The following MLLT10 variants were observed in gnomAD, a reference collection of about 807,000 sequenced individuals.
MLLT10 encodes MLLT10 histone lysine methyltransferase DOT1L cofactor, also known as protein AF-10.
MLLT10 carries 30 observed loss-of-function variants against 129.1 expected under a neutral mutation model. That is an observed-to-expected ratio of 0.23 (90% CI 0.17 to 0.32). The LOEUF is 0.32. MLLT10 is among the 10% of genes least tolerant of loss of function. MLLT10 has a pLI of 1.00. For missense variants in MLLT10, 1,119 were observed against 1,268.3 expected (o/e 0.88, Z 1.79); for synonymous variants, 490 against 446.4 (o/e 1.10, Z -1.23).
At position 21,730,942 on chromosome 10, in the gene MLLT10, C is replaced by G; in HGVS notation, c.2106C>G (p.Gly702=). 19 of 1,614,158 alleles carry G rather than the reference C, an allele frequency of 1.2e-5. No individual in the cohort carries two copies. The highest frequency in any genetic ancestry group is 1.6e-5 in the Non-Finnish European group (19 of 1,180,024). ...TACAGATTCGCTATGATCAACCAGGCAACAGCAGTTTGGAAAATCTGCCTC... is the reference window on the plus strand; with the variant it reads ...TACAGATTCGCTATGATCAACCAGGGAACAGCAGTTTGGAAAATCTGCCTC... ...SSLQIRYDQP[G]NSSLENLPPV... The change falls in exon 17 of 23, where the codon GGC becomes GGG. Residue 702 remains glycine (G), a synonymous_variant. Transcript: ENST00000307729.
intron 3 of MLLT10, among the ~76,000 whole-genome samples, chr10:21,560,800 G>T (rs1475106928): frequency 6.6e-6 from 1 of 152,170 alleles, no homozygotes; most frequent in African/African-American, 2.4e-5. Flanking sequence ...GTGGTATCTT[G>T]TCGTTTTGAT....
At chr10:21,538,735 G>A in intron 2 of MLLT10, 98 bp from the exon 3 acceptor site, 1 of 797,070 alleles carries the variant, frequency 1.3e-6, no homozygotes, top group Non-Finnish European at 2.1e-6. Flanking sequence ...TAGTTTACTT[G>A]AATAGTGACA....
intron 8 of MLLT10, among the ~76,000 whole-genome samples, chr10:21,634,647 T>C (rs1376419105): frequency 6.6e-6 from 1 of 152,236 alleles, no homozygotes; most frequent in Non-Finnish European, 1.5e-5. Context: ...AATGTGATGA[T>C]TTTCTGTTTC....
intron 3 of MLLT10, among the ~76,000 whole-genome samples, chr10:21,567,017 T>C (rs1442949418): frequency 6.6e-6 from 1 of 152,114 alleles, no homozygotes; most frequent in Non-Finnish European, 1.5e-5. Context: ...TTGTCCATGT[T>C]GGTCAGGCTG....
chr10:21,739,381 T>C (rs758596694), intron 21 of MLLT10, among the ~76,000 whole-genome samples: 12 of 152,186 alleles, frequency 7.9e-5, no homozygotes, highest in Non-Finnish European at 1.6e-4. Context: ...TTCATCCAGA[T>C]GTTAACTTCC....
chr10:21,697,870 T>C (rs2054522934), intron 13 of MLLT10, among the ~76,000 whole-genome samples: 1 of 152,234 alleles, frequency 6.6e-6, no homozygotes, highest in South Asian at 2.1e-4. Context: ...CAGAAGTGTT[T>C]CTGTTATTGT....
In MLLT10 at chr10:21,534,695, T is replaced by A. The variant is rs1389235107; in HGVS notation, c.51T>A (p.Ser17Arg). The stretch of plus-strand genomic sequence containing the variant: ...CACTGGAGGACGAGGTCTCCCATAG[T>A]ATGAAGGAGATGATTGGAGGCTGTT... ...PVSLEDEVSH[S>R]MKEMIGGCCV... The change falls in exon 2 of 23, where the codon AGT becomes AGA. Residue 17 changes from serine (S) to arginine (R), a missense_variant. Ser to Arg is a moderately radical substitution (Grantham distance 110). Coordinates refer to ENST00000307729, the MANE Select transcript of MLLT10 (RefSeq NM_001195626.3). 6.2e-7 allele frequency: 1 copy of A among 1,613,060 alleles called. No homozygotes were observed. Among genetic ancestry groups the A allele is most frequent in the Non-Finnish European group, 8.5e-7 (1 of 1,179,382 alleles).
intron 21 of MLLT10, among the ~76,000 whole-genome samples, chr10:21,737,412 CGTGT>C (rs1015072101): frequency 4.6e-5 from 7 of 151,938 alleles, no homozygotes; most frequent in South Asian, 4.2e-4. Flanking sequence ...AATGTGACAG[CGTGT>C]GTGTATGTTG....
At chr10:21,553,325 A>ATT (rs570855470) in intron 3 of MLLT10, among the ~76,000 whole-genome samples, 23 of 140,284 alleles carry the variant, frequency 1.6e-4, no homozygotes, top group South Asian at 2.3e-4. Context: ...AGCAGTTCTA[A>ATT]TTTTTTTTTT....
chr10:21,724,067 C>T (rs1467959476), intron 14 of MLLT10, among the ~76,000 whole-genome samples: 3 of 152,138 alleles, frequency 2.0e-5, no homozygotes, highest in South Asian at 2.1e-4. Flanking sequence ...GTGAACAGCA[C>T]GATCTTCATG....
chr10:21,535,025 A>G (rs554720144), intron 2 of MLLT10, among the ~76,000 whole-genome samples: 1 of 147,066 alleles, frequency 6.8e-6, no homozygotes, highest in Non-Finnish European at 1.5e-5. Context: ...CTCAAGTGTC[A>G]TTCGGCCGCC....
At chr10:21,655,713 T>C (rs1019029381) in intron 9 of MLLT10, among the ~76,000 whole-genome samples, 44 of 152,238 alleles carry the variant, frequency 2.9e-4, no homozygotes, top group Non-Finnish European at 1.0e-4. Flanking sequence ...AGAATTAACA[T>C]TGAGGAATGA....
chr10:21,540,477 A>G (rs2034948190), intron 3 of MLLT10, among the ~76,000 whole-genome samples: 1 of 151,934 alleles, frequency 6.6e-6, no homozygotes, highest in Admixed American at 6.6e-5. Context: ...GATTGCTTGA[A>G]CCTGGGAGGT....
chr10:21,708,508 A>G, intron 13 of MLLT10: 1 of 916,894 alleles, frequency 1.1e-6, no homozygotes, highest in South Asian at 5.0e-5. Context: ...AGAAAGATTT[A>G]GAATTTTAAG....
chr10:21,741,204 ACCT>A (rs761444662), intron 22 of MLLT10, among the ~76,000 whole-genome samples: 2 of 151,974 alleles, frequency 1.3e-5, no homozygotes, highest in Non-Finnish European at 2.9e-5. Context: ...ACACCGCATT[ACCT>A]CTCCAGTGTT....
At chr10:21,694,149 G>T (rs1212754108) in intron 13 of MLLT10, among the ~76,000 whole-genome samples, 1 of 152,136 alleles carries the variant, frequency 6.6e-6, no homozygotes, top group Non-Finnish European at 1.5e-5. Flanking sequence ...TATCCCATCA[G>T]CACTGAATAC....
intron 14 of MLLT10, among the ~76,000 whole-genome samples, chr10:21,717,640 TTTCCTCCTCCTCTTCCTCCTCCTC>T (rs1564710672): frequency 3.0e-4 from 11 of 36,524 alleles, no homozygotes; most frequent in African/African-American, 1.4e-3. Context: ...TCCTCCTCCT[TTTCCTCCTCCTCTTCCTCCTCCTC>T]TTCCTCCTCC....
intron 14 of MLLT10, among the ~76,000 whole-genome samples, chr10:21,716,308 C>T (rs1392688071): frequency 6.6e-6 from 1 of 152,176 alleles, no homozygotes; most frequent in Non-Finnish European, 1.5e-5. Flanking sequence ...TAGATAGTCA[C>T]ATCTAGTGTT....
chr10:21,534,668 G>A lies in MLLT10; in HGVS notation c.24G>A (p.Val8=), dbSNP rs1340123893. The A allele has an allele frequency of 1.2e-6, 2 of 1,612,144 alleles. No individual in the cohort carries two copies. Among genetic ancestry groups the A allele is most frequent in the Non-Finnish European group, 1.7e-6 (2 of 1,178,856 alleles). MVSSDRP[V]SLEDEVSHSM... ...AGATGGTCTCTAGCGACCGGCCCGT[G>A]TCACTGGAGGACGAGGTCTCCCATA... The change falls in exon 2 of 23, where the codon GTG becomes GTA. Residue 8 remains valine (V), a synonymous_variant. Transcript: ENST00000307729.
Sources: gnomAD v4.1 joint callset for allele counts (sites outside exome capture counted in the v4.1 genomes callset) on GRCh38, gnomAD v4.1.1 for gene constraint, MANE v1.5 for transcripts, NCBI Gene and HGNC (gene_info 2026-07-23, HGNC 2026-07-21) for gene names.